ARHGAP42: variants seen among roughly 807,000 people sequenced by gnomAD.
ARHGAP42 encodes Rho GTPase activating protein 42.
In ARHGAP42, 63 loss-of-function variants were observed where a neutral mutation model predicts 125.0. The ratio of observed to expected loss-of-function variants is 0.50; its 90% CI spans 0.41 to 0.62. The LOEUF (loss-of-function observed/expected upper bound fraction) is 0.62, where lower values mean the gene tolerates loss of function less well. ARHGAP42 is among the 20% of genes least tolerant of loss of function. The pLI is 0.00. For synonymous variants in ARHGAP42, 339 were observed against 351.0 expected, an observed-to-expected ratio of 0.97 and a Z score of 0.38; for missense variants, 766 against 1,024.2, an observed-to-expected ratio of 0.75 and a Z score of 3.44.
chr11:100,944,009 G>T, intron 10 of ARHGAP42, 141 bp downstream of exon 10: 1 of 582,650 alleles, frequency 1.7e-6, no homozygotes, highest in Non-Finnish European at 2.9e-6. Flanking sequence ...TTTCTTTCAT[G>T]TTGTTATTAC....
chr11:100,918,538 C>G (rs1449230527), intron 5 of ARHGAP42, among the ~76,000 whole-genome samples: 1 of 152,114 alleles, frequency 6.6e-6, no homozygotes, highest in Non-Finnish European at 1.5e-5. Flanking sequence ...TTGATGAATC[C>G]TAGTGTTACT....
In ARHGAP42 at chr11:100,949,939, T is replaced by C. The variant is rs1275887539; in HGVS notation, c.1145T>C (p.Ile382Thr). Residue 382 changes from isoleucine to threonine, a missense_variant, in exon 12 of 24, where the codon ATA becomes ACA. Physicochemically the swap from Ile to Thr is moderately conservative, Grantham distance 89 (BLOSUM62 -1). Around this residue, in one of 3 missense-constraint regions of ARHGAP42, gnomAD observed 455 missense variants for 636.5 expected, o/e 0.71. Coordinates refer to ENST00000298815, the MANE Select transcript of ARHGAP42 (RefSeq NM_152432.4). ...KEPIYTLPAI[I>T]SKKEEMYLNE... is the part of the protein sequence containing the mutation. The stretch of plus-strand genomic sequence containing the variant: ...TAGATTTATACTCTGCCTGCCATTA[T>C]AAGCAAGAAAGAAGAAAGTAAGTCA... The C allele has an allele frequency of 6.8e-7, 1 of 1,477,894 alleles. No individual in the cohort carries two copies. The highest frequency in any genetic ancestry group is 2.1e-5 in the Admixed American group (1 of 48,672). The allele number at this position is 1,477,894 out of a possible 1,614,324, so 91.5% of individuals were successfully genotyped here.
At chr11:100,735,669 C>G (rs1238300866) in intron 1 of ARHGAP42, among the ~76,000 whole-genome samples, 1 of 122,292 alleles carries the variant, frequency 8.2e-6, no homozygotes, top group Non-Finnish European at 1.6e-5. Context: ...AGTGCAATGG[C>G]GTGATCTAGG....
chr11:100,781,118 A>G (rs1015735773), intron 2 of ARHGAP42, among the ~76,000 whole-genome samples: 3 of 152,086 alleles, frequency 2.0e-5, no homozygotes, highest in African/African-American at 7.2e-5. Flanking sequence ...TGTAATATAA[A>G]TTAATCAGCT....
In ARHGAP42 at chr11:100,872,797, T is replaced by A. The variant is rs114173259; in HGVS notation, c.384+13172T>A. ...TTAGCATGCCATCATCTGTCTCATG[T>A]TGTCACTGATACAAAAACATTCGAT... is the stretch of plus-strand genomic sequence containing the variant. On this transcript the variant is annotated intron_variant, in intron 4 of 23. Transcript: ENST00000298815. 3.5e-3 allele frequency among the ~76,000 whole-genome samples: 528 copies of A among 152,322 alleles called. 5 individuals carry two copies. Among genetic ancestry groups the A allele is most frequent in the African/African-American group, 0.012 (497 of 41,568 alleles).
chr11:100,717,685 G>A (rs958512519), intron 1 of ARHGAP42, among the ~76,000 whole-genome samples: 1 of 150,670 alleles, frequency 6.6e-6, no homozygotes, highest in African/African-American at 2.4e-5. Flanking sequence ...CAGCACTTTG[G>A]GAGGCTGAGG....
intron 7 of ARHGAP42, among the ~76,000 whole-genome samples, chr11:100,935,378 C>T (rs969413172): frequency 6.6e-6 from 1 of 152,028 alleles, no homozygotes; most frequent in African/African-American, 2.4e-5. Context: ...CTTAATAATA[C>T]CTTTGCTAGT....
intron 3 of ARHGAP42, among the ~76,000 whole-genome samples, chr11:100,802,441 T>G (rs1320521039): frequency 1.3e-5 from 2 of 150,722 alleles, no homozygotes; most frequent in African/African-American, 2.4e-5. Flanking sequence ...TTTTTTTTTT[T>G]TGAGGCAGAG....
intron 1 of ARHGAP42, among the ~76,000 whole-genome samples, chr11:100,720,565 CT>C (rs1861741484): frequency 1.3e-5 from 2 of 152,156 alleles, no homozygotes; most frequent in African/African-American, 4.8e-5. Context: ...GAAAATATGG[CT>C]AGATTCAGTG....
intron 21 of ARHGAP42, 40 bp downstream of exon 21, chr11:100,977,011 T>C (rs1228057645): frequency 1.3e-6 from 2 of 1,547,212 alleles, no homozygotes; most frequent in Admixed American, 2.0e-5. Context: ...CTCCCAGGGA[T>C]ACAGAGAGGA....
intron 3 of ARHGAP42, among the ~76,000 whole-genome samples, chr11:100,857,676 G>A (rs895715142): frequency 1.3e-5 from 2 of 151,966 alleles, no homozygotes; most frequent in Non-Finnish European, 2.9e-5. Flanking sequence ...ATTCTGATAC[G>A]TTACTAAAGT....
rs868736711 is a variant in ARHGAP42 at position 100,991,488 on chromosome 11, G to A, written c.*2687G>A. 3 of 152,054 alleles carry A rather than the reference G, an allele frequency of 2.0e-5. No homozygotes were observed. Among genetic ancestry groups the A allele is most frequent in the African/African-American group, 7.2e-5 (3 of 41,390 alleles). 9.4% of individuals were successfully genotyped at this position (152,054 alleles called of 1,614,324 possible). A position where few individuals can be genotyped will look rare whatever the true frequency, so the allele number is the denominator to read the frequency against. On this transcript the variant is annotated 3_prime_UTR_variant, in exon 24 of 24. Transcript: ENST00000298815. Reference sequence around the variant, plus strand: ...CCTCTGCACCCTAATAACTGCTTACGGTATAATCAGTATGATGATGAGATT... The same window carrying A: ...CCTCTGCACCCTAATAACTGCTTACAGTATAATCAGTATGATGATGAGATT...
At chr11:100,838,587 TCCCAGCCACATGG>T in intron 3 of ARHGAP42, among the ~76,000 whole-genome samples, 1 of 151,914 alleles carries the variant, frequency 6.6e-6, no homozygotes, top group East Asian at 1.9e-4. Context: ...GTGCCTGTGG[TCCCAGCCACATGG>T]GAGGATCACT....
chr11:100,778,439 A>G (rs1863183955), intron 2 of ARHGAP42, among the ~76,000 whole-genome samples: 1 of 152,226 alleles, frequency 6.6e-6, no homozygotes, highest in East Asian at 1.9e-4. Context: ...GTCGTGTATT[A>G]AAGTGGAACA....
chr11:100,772,062 C>T (rs1167973233), intron 2 of ARHGAP42, among the ~76,000 whole-genome samples: 1 of 152,156 alleles, frequency 6.6e-6, no homozygotes, highest in Non-Finnish European at 1.5e-5. Flanking sequence ...TTCCTCTGCC[C>T]TTTCTTTTTC....
At chr11:100,749,132 C>T (rs1288811437) in intron 1 of ARHGAP42, among the ~76,000 whole-genome samples, 1 of 152,142 alleles carries the variant, frequency 6.6e-6, no homozygotes, top group African/African-American at 2.4e-5. Flanking sequence ...TCTTTCTTCC[C>T]CAGAGAAGAA....
chr11:100,717,481 C>CA (rs1224892863), intron 1 of ARHGAP42, among the ~76,000 whole-genome samples: 7 of 151,694 alleles, frequency 4.6e-5, no homozygotes, highest in Non-Finnish European at 7.4e-5. Flanking sequence ...ACTAAAAATA[C>CA]AAAAAATTAG....
intron 1 of ARHGAP42, among the ~76,000 whole-genome samples, chr11:100,768,851 G>T (rs2134986495): frequency 6.6e-6 from 1 of 152,224 alleles, no homozygotes; most frequent in Middle Eastern, 3.4e-3. Flanking sequence ...CTATAAGGTG[G>T]TTATACCATC....
intron 1 of ARHGAP42, among the ~76,000 whole-genome samples, chr11:100,711,825 A>G: frequency 6.6e-6 from 1 of 152,246 alleles, no homozygotes; most frequent in Admixed American, 6.5e-5. Context: ...TTAGCCTATG[A>G]GAAGATAATC....
Sources: gnomAD v4.1 joint callset for allele counts (sites outside exome capture counted in the v4.1 genomes callset) on GRCh38, gnomAD v4.1.1 for gene constraint, gnomAD v4.1.1 regional missense constraint, MANE v1.5 for transcripts, NCBI Gene and HGNC (gene_info 2026-07-23, HGNC 2026-07-21) for gene names.